The following HEATR4 variants were observed in gnomAD, a reference collection of about 807,000 sequenced individuals.
The protein encoded by HEATR4 is HEAT repeat containing 4.
A neutral mutation model predicts 108.8 loss-of-function variants in HEATR4; 95 were observed. That is an observed-to-expected ratio of 0.87 (90% confidence interval 0.74 to 1.04). The LOEUF is 1.04. Among genes scored for constraint, HEATR4 ranks in the 50% least tolerant of loss-of-function variants. HEATR4 has a pLI of 0.00. For synonymous variants in HEATR4, 443 were observed against 459.4 expected, an observed-to-expected ratio of 0.96 and a Z score of 0.46; for missense variants, 1,152 against 1,253.8, an observed-to-expected ratio of 0.92 and a Z score of 1.23.
At chr14:73,483,500 G>T (rs546566580) in intron 17 of HEATR4, among the ~76,000 whole-genome samples, 14 of 152,060 alleles carry the variant, frequency 9.2e-5, no homozygotes, top group African/African-American at 3.4e-4. Context: ...CTAAAACTAC[G>T]TGTACCATCA....
At chr14:73,521,940 C>T (rs1189032913) in intron 3 of HEATR4, among the ~76,000 whole-genome samples, 1 of 152,216 alleles carries the variant, frequency 6.6e-6, no homozygotes, top group Non-Finnish European at 1.5e-5. Flanking sequence ...CTGGGAATGA[C>T]TTTGTTCCTC....
Position 73,500,591 on chromosome 14 carries a change from CT to C in HEATR4, c.2244del (p.Ala749ProfsTer20). On this transcript the variant is annotated frameshift_variant, in exon 12 of 18. Coordinates refer to ENST00000553558, the MANE Select transcript of HEATR4 (RefSeq NM_001220484.1). LOFTEE classifies it high-confidence loss of function. ...TGCAGGGCACCAGCTGCCAAACAGG[CT>C]GCCCGCCGAACTGCTGTGAAGTCAT... ...FSDDFTAVRR[A>X]ACLAAGALQI... The C allele has an allele frequency of 6.2e-7, 1 of 1,613,918 alleles. No individual in the cohort carries two copies. The highest frequency in any genetic ancestry group is 8.5e-7 in the Non-Finnish European group (1 of 1,179,988).
Position 73,506,449 on chromosome 14 carries a change from G to A in HEATR4, c.1986+18C>T. ...CTCTCTTAGGCTTTCTGTCCTGGAG[G>A]CAAAGAAAGAGGTTTACCAAGCAGA... On this transcript the variant is annotated intron_variant, in intron 10 of 17. Coordinates refer to ENST00000553558, the MANE Select transcript of HEATR4 (RefSeq NM_001220484.1). 1 of 1,589,986 alleles carries A rather than the reference G, an allele frequency of 6.3e-7. No individual in the cohort carries two copies. Among genetic ancestry groups the A allele is most frequent in the Non-Finnish European group, 8.6e-7 (1 of 1,159,380 alleles).
chr14:73,612,769 C>A, the HEATR4 span: 10 of 1,371,770 alleles, frequency 7.3e-6, 1 homozygote, highest in East Asian at 2.5e-4. Flanking sequence ...AGCGCGCGCC[C>A]GCGCTGGGAG....
At chr14:73,597,920 C>T in the HEATR4 span, among the ~76,000 whole-genome samples, 26 of 150,360 alleles carry the variant, frequency 1.7e-4, no homozygotes, top group Non-Finnish European at 2.8e-4. Flanking sequence ...GATGGGGTTT[C>T]GCCATATTGG....
chr14:73,479,864 C>T (rs1283049574), intron 17 of HEATR4, among the ~76,000 whole-genome samples: 1 of 152,094 alleles, frequency 6.6e-6, no homozygotes, highest in Non-Finnish European at 1.5e-5. Flanking sequence ...CGTGAGCCAC[C>T]ATGCCCAGAG....
rs1358786209 is a variant in HEATR4, at chr14:73,548,787, G to A, written c.-152+9964C>T. On this transcript the variant is annotated intron_variant, in intron 1 of 17. Coordinates refer to ENST00000553558, the MANE Select transcript of HEATR4 (RefSeq NM_001220484.1). ...CCTGCTTAGTTACACTCCCACCTTGGCCTCTCAAAGTGCTGGGATTATAGG... is the reference window on the plus strand; with the variant it reads ...CCTGCTTAGTTACACTCCCACCTTGACCTCTCAAAGTGCTGGGATTATAGG... 1.7e-5 allele frequency among the ~76,000 whole-genome samples: 2 copies of A among 114,316 alleles called. 1 individual carries two copies. The highest frequency in any genetic ancestry group is 3.8e-5 in the Non-Finnish European group (2 of 52,482). 75.0% of individuals were successfully genotyped at this position (114,316 alleles called of 152,430 possible). A position where few individuals can be genotyped will look rare whatever the true frequency, so the allele number is the denominator to read the frequency against.
chr14:73,490,194 C>T (rs1165792755), intron 17 of HEATR4, among the ~76,000 whole-genome samples: 2 of 152,206 alleles, frequency 1.3e-5, no homozygotes, highest in Non-Finnish European at 2.9e-5. Flanking sequence ...GGTACGATCT[C>T]GGCTCACTGC....
intron 1 of HEATR4, among the ~76,000 whole-genome samples, chr14:73,557,926 A>G (rs1222209509): frequency 1.1e-5 from 1 of 90,966 alleles, no homozygotes; most frequent in Non-Finnish European, 2.6e-5. Context: ...AACTCCTGGA[A>G]TCAAGTGATC....
chr14:73,528,092 A>G (rs1888453430), intron 2 of HEATR4, among the ~76,000 whole-genome samples: 1 of 151,660 alleles, frequency 6.6e-6, no homozygotes, highest in African/African-American at 2.4e-5. Context: ...ACCATTATCA[A>G]TTATTAGAAA....
chr14:73,624,869 A>G, the HEATR4 span, among the ~76,000 whole-genome samples: 1 of 152,130 alleles, frequency 6.6e-6, no homozygotes, highest in Non-Finnish European at 1.5e-5. Flanking sequence ...AACATATTTT[A>G]ATTTTCAAAT....
At chr14:73,583,694 C>G in the HEATR4 span, among the ~76,000 whole-genome samples, 1 of 151,902 alleles carries the variant, frequency 6.6e-6, no homozygotes, top group Non-Finnish European at 1.5e-5. Context: ...TTCCTGGGCA[C>G]GTGCATTAAG....
At chr14:73,494,428 T>C (rs1885976379) in intron 16 of HEATR4, among the ~76,000 whole-genome samples, 1 of 152,240 alleles carries the variant, frequency 6.6e-6, no homozygotes, top group Non-Finnish European at 1.5e-5. Context: ...AGTTTTCTGT[T>C]ATTTAAGGTT....
the HEATR4 span, among the ~76,000 whole-genome samples, chr14:73,589,413 A>G: frequency 2.9e-3 from 440 of 152,126 alleles, 2 homozygotes; most frequent in African/African-American, 0.01. Context: ...TCTGCCTGCC[A>G]GGTTCAAGCA....
At chr14:73,531,899 G>C (rs1322414191) in intron 1 of HEATR4, among the ~76,000 whole-genome samples, 1 of 113,804 alleles carries the variant, frequency 8.8e-6, no homozygotes, top group African/African-American at 2.9e-5. Flanking sequence ...GGGCCTGGTG[G>C]CGCATGCCTG....
At chr14:73,571,548 G>A in the HEATR4 span, 1 of 151,944 alleles carries the variant, frequency 6.6e-6, no homozygotes, top group Non-Finnish European at 1.5e-5. Flanking sequence ...AGCAGGGTGA[G>A]GTACTGCTTC....
chr14:73,586,007 GCAAAAAAAAAAAC>G, the HEATR4 span, among the ~76,000 whole-genome samples: 1 of 84,276 alleles, frequency 1.2e-5, no homozygotes, highest in African/African-American at 5.0e-5. Flanking sequence ...AGACTCTGTC[GCAAAAAAAAAAAC>G]CAAAAAAAAA....
In HEATR4 at chr14:73,512,144, C is replaced by A; in HGVS notation, c.1420G>T (p.Glu474Ter). Reference sequence around the variant, plus strand: ...TTCTCTACTGTCTCATGGTGCCACTCTATGACTGAGCCGCAGTGAGGGAAA... The same window carrying A: ...TTCTCTACTGTCTCATGGTGCCACTATATGACTGAGCCGCAGTGAGGGAAA... The part of the protein sequence containing the change: ...EWKTAWALII[E>*]WHHETVENLL... The change falls in exon 7 of 18, where the codon GAG becomes TAG. Residue 474 changes from glutamate to a stop codon, truncating the protein, a stop_gained. Transcript: ENST00000553558. LOFTEE classifies it high-confidence loss of function. The A allele has an allele frequency of 6.2e-7, 1 of 1,614,114 alleles. No individual in the cohort carries two copies. Among genetic ancestry groups the A allele is most frequent in the Non-Finnish European group, 8.5e-7 (1 of 1,180,006 alleles).
chr14:73,526,355 ACAGT>A (rs1160149510), intron 2 of HEATR4, among the ~76,000 whole-genome samples: 3 of 152,198 alleles, frequency 2.0e-5, no homozygotes, highest in African/African-American at 7.2e-5. Context: ...CATATGAGTG[ACAGT>A]CAGGTCACAA....
Sources: gnomAD v4.1 joint callset for allele counts (sites outside exome capture counted in the v4.1 genomes callset) on GRCh38, gnomAD v4.1.1 for gene constraint, MANE v1.5 for transcripts, NCBI Gene and HGNC (gene_info 2026-07-23, HGNC 2026-07-21) for gene names.